Variants in XYLB observed in about 807,000 individuals in gnomAD.
The protein encoded by XYLB is xylulose kinase.
In XYLB, 62 loss-of-function variants were observed where a neutral mutation model predicts 78.7. That is an observed-to-expected ratio of 0.79 (90% CI 0.64 to 0.97). The LOEUF (loss-of-function observed/expected upper bound fraction) is 0.97. Ranked by LOEUF, XYLB falls within the 50% of genes least tolerant of loss-of-function variation. XYLB has a pLI of 0.00. For missense variants in XYLB, 687 were observed against 676.8 expected (o/e 1.02, Z -0.17); for synonymous variants, 245 against 247.4 (o/e 0.99, Z 0.09).
intron 18 of XYLB, among the ~76,000 whole-genome samples, chr3:38,402,498 T>C (rs1167844353): frequency 6.6e-6 from 1 of 152,226 alleles, no homozygotes; most frequent in Admixed American, 6.5e-5. Context: ...TTTCTGTTTG[T>C]GAGAGGCTAT....
chr3:38,407,967 C>G (rs1708399847), intron 18 of XYLB, among the ~76,000 whole-genome samples: 1 of 152,088 alleles, frequency 6.6e-6, no homozygotes. Context: ...CAACATTAGA[C>G]AGAACAACGA....
intron 14 of XYLB, 37 bp downstream of exon 14, chr3:38,377,028 C>T: frequency 1.3e-6 from 2 of 1,554,372 alleles, no homozygotes; most frequent in Non-Finnish European, 1.8e-6. Flanking sequence ...ACATTGGCTC[C>T]ATTTGTGAGT....
rs751930202 is a variant in XYLB, at chr3:38,368,250, C to T, written c.639C>T (p.Tyr213=). The change falls in exon 8 of 19, where the codon TAC becomes TAT. Residue 213 remains tyrosine, a synonymous_variant. Coordinates refer to ENST00000207870, the MANE Select transcript of XYLB (RefSeq NM_005108.4). The part of the protein sequence containing the change: ...LFLGSYSPID[Y]SDGSGMNLLQ... ...TTGGCTCTTACTCCCCTATTGACTACAGTGATGGTGAGCCTCGGGGTATGG... is the reference window on the plus strand; with the variant it reads ...TTGGCTCTTACTCCCCTATTGACTATAGTGATGGTGAGCCTCGGGGTATGG... 2 of 1,614,128 alleles carry T rather than the reference C, an allele frequency of 1.2e-6. No homozygotes were observed. The highest frequency in any genetic ancestry group is 1.7e-6 in the Non-Finnish European group (2 of 1,179,980).
chr3:38,436,764 G>T, the XYLB span, among the ~76,000 whole-genome samples: 4 of 152,088 alleles, frequency 2.6e-5, no homozygotes, highest in African/African-American at 9.7e-5. Flanking sequence ...AGCACTTTGG[G>T]AGGCCAAGGC....
At chr3:38,349,849 G>A (rs1490475429) in intron 2 of XYLB, among the ~76,000 whole-genome samples, 1 of 152,170 alleles carries the variant, frequency 6.6e-6, no homozygotes, top group Non-Finnish European at 1.5e-5. Flanking sequence ...CTCGGTGCAG[G>A]AGTGCTTGGT....
At chr3:38,420,086 G>A (rs1458831796) in exon 18 of XYLB, among the ~76,000 whole-genome samples, 6 of 152,108 alleles carry the variant, frequency 3.9e-5, no homozygotes, top group Admixed American at 3.3e-4. Context: ...CCAAAGTGCT[G>A]GAATTAACAG....
downstream of XYLB, among the ~76,000 whole-genome samples, chr3:38,423,925 C>T (rs1575561340): frequency 6.6e-6 from 1 of 152,248 alleles, no homozygotes; most frequent in Non-Finnish European, 1.5e-5. Context: ...AGAAAGTAAC[C>T]ATACATAGGG....
chr3:38,389,571 C>CG (rs914787877), intron 15 of XYLB, among the ~76,000 whole-genome samples: 3 of 149,612 alleles, frequency 2.0e-5, no homozygotes, highest in African/African-American at 7.6e-5. Flanking sequence ...GCTGGCCGGG[C>CG]GGGGGCTGAC....
At chr3:38,364,794 T>C (rs1171516519) in intron 4 of XYLB, among the ~76,000 whole-genome samples, 1 of 152,130 alleles carries the variant, frequency 6.6e-6, no homozygotes, top group Non-Finnish European at 1.5e-5. Context: ...GATGAAAGTA[T>C]CCTATTCATC....
At chr3:38,395,837 A>G (rs1319763405) in intron 16 of XYLB, among the ~76,000 whole-genome samples, 1 of 152,150 alleles carries the variant, frequency 6.6e-6, no homozygotes, top group African/African-American at 2.4e-5. Flanking sequence ...GTTCTTCCAC[A>G]TGGCAAACCT....
the XYLB span, among the ~76,000 whole-genome samples, chr3:38,446,613 C>T: frequency 5.3e-5 from 8 of 152,092 alleles, no homozygotes; most frequent in Non-Finnish European, 1.2e-4. Flanking sequence ...GAAATAAAGC[C>T]ACATATTTAT....
At chr3:38,396,309 A>T (rs1278785869) in intron 16 of XYLB, among the ~76,000 whole-genome samples, 1 of 152,208 alleles carries the variant, frequency 6.6e-6, no homozygotes, top group Non-Finnish European at 1.5e-5. Flanking sequence ...AGTCTACTTC[A>T]GCTCCATCCT....
chr3:38,400,104 C>G (rs893662499), intron 17 of XYLB, among the ~76,000 whole-genome samples: 1 of 152,182 alleles, frequency 6.6e-6, no homozygotes, highest in Admixed American at 6.5e-5. Flanking sequence ...CTACTACCTA[C>G]CTTCCCTAGA....
rs764678559 is a variant in XYLB at position 38,368,237 on chromosome 3, C to G, written c.626C>G (p.Ser209Cys). The G allele has an allele frequency of 6.2e-7, 1 of 1,614,144 alleles. No individual in the cohort carries two copies. Among genetic ancestry groups the G allele is most frequent in the South Asian group, 1.1e-5 (1 of 91,076 alleles). The change falls in exon 8 of 19, where the codon TCC becomes TGC. Residue 209 changes from serine (S) to cysteine (C), a missense_variant. Coordinates refer to ENST00000207870, the MANE Select transcript of XYLB (RefSeq NM_005108.4). The stretch of plus-strand genomic sequence containing the variant: ...GCTTCCCTGTTCCTTGGCTCTTACT[C>G]CCCTATTGACTACAGTGATGGTGAG... ...FAASLFLGSY[S>C]PIDYSDGSGM...
chr3:38,365,514 G>A, intron 5 of XYLB, 94 bp from the exon 6 acceptor site: 2 of 1,533,374 alleles, frequency 1.3e-6, no homozygotes, highest in South Asian at 2.5e-5. Context: ...GAAGCGTCAT[G>A]ACTGCCGTGA....
At chr3:38,396,898 GA>G (rs1271466926) in intron 16 of XYLB, among the ~76,000 whole-genome samples, 173 bp from the exon 17 acceptor site, 15 of 152,166 alleles carry the variant, frequency 9.9e-5, no homozygotes, top group Non-Finnish European at 5.9e-5. Flanking sequence ...AGCTCATCCT[GA>G]CTCTATTATC....
rs1217748341 is a variant in XYLB, at chr3:38,374,462, C to T, written c.848C>T (p.Ala283Val). 39 of 1,613,930 alleles carry T rather than the reference C, an allele frequency of 2.4e-5. No individual in the cohort carries two copies. Among genetic ancestry groups the T allele is most frequent in the African/African-American group, 9.3e-5 (7 of 74,910 alleles). ...KVVAFTGDNPASLAGMRLEEG... is the reference protein window; with the variant it reads ...KVVAFTGDNPVSLAGMRLEEG... ...CCAGAAGCTCCCCTCCCATTCTCAG[C>T]GTCGCTGGCAGGCATGAGACTGGAG... The change falls in exon 11 of 19, where the codon GCG becomes GTG. Residue 283 changes from alanine to valine, a missense_variant and splice_region_variant. Transcript: ENST00000207870.
intron 10 of XYLB, 42 bp from the exon 11 acceptor site, chr3:38,374,420 A>T: frequency 6.2e-7 from 1 of 1,613,794 alleles, no homozygotes; most frequent in Non-Finnish European, 8.5e-7. Flanking sequence ...TGTGGTTCCC[A>T]TGTGGCCGCC....
chr3:38,430,146 G>A, the XYLB span, among the ~76,000 whole-genome samples: 1 of 152,190 alleles, frequency 6.6e-6, no homozygotes, highest in African/African-American at 2.4e-5. Context: ...CTTCCACAAT[G>A]GCTGAACTAA....
Sources: gnomAD v4.1 joint callset for allele counts (sites outside exome capture counted in the v4.1 genomes callset) on GRCh38, gnomAD v4.1.1 for gene constraint, MANE v1.5 for transcripts, NCBI Gene and HGNC (gene_info 2026-07-23, HGNC 2026-07-21) for gene names.